The following POMGNT2 variants were observed in gnomAD, a reference collection of about 807,000 sequenced individuals.
POMGNT2 encodes the protein protein O-linked-mannose beta-1,4-N-acetylglucosaminyltransferase 2.
A neutral mutation model predicts 37.8 loss-of-function variants in POMGNT2; 32 were observed. That is an observed-to-expected ratio of 0.85 (90% CI 0.64 to 1.14). The LOEUF (loss-of-function observed/expected upper bound fraction) is 1.14, where lower values mean the gene tolerates loss of function less well. Ranked by LOEUF, POMGNT2 falls within the 50% of genes most tolerant of loss-of-function variation. The pLI, the probability that POMGNT2 is intolerant of heterozygous loss-of-function variation, is 0.00. For missense variants in POMGNT2, 705 were observed against 780.6 expected (o/e 0.90, Z 1.15); for synonymous variants, 340 against 336.8 (o/e 1.01, Z -0.10).
rs756555077 is a variant in POMGNT2 at position 43,081,362 on chromosome 3, G to C, written c.70C>G (p.Arg24Gly). 1 of 1,608,242 alleles carries C rather than the reference G, an allele frequency of 6.2e-7. No individual in the cohort carries two copies. Among genetic ancestry groups the C allele is most frequent in the Non-Finnish European group, 8.5e-7 (1 of 1,179,276 alleles). ...AGTGTGGCTGCATGCTCACGCAGCC[G>C]CACATGCTTCCACAGGACCGCTGCC... The part of the protein sequence containing the change: ...VLAAVLWKHV[R>G]LREHAATLEE... The change falls in exon 2 of 2, where the codon CGG becomes GGG. Residue 24 changes from arginine (R) to glycine (G), a missense_variant. By Grantham distance (125) the Arg-to-Gly change is moderately radical (BLOSUM62 -2). Coordinates refer to ENST00000344697, the MANE Select transcript of POMGNT2 (RefSeq NM_032806.6).
chr3:43,092,338 C>A (rs1194100122), intron 1 of POMGNT2, among the ~76,000 whole-genome samples: 1 of 152,072 alleles, frequency 6.6e-6, no homozygotes, highest in Non-Finnish European at 1.5e-5. Flanking sequence ...TGTGGCCTTG[C>A]CCAGGCTACA....
intron 1 of POMGNT2, among the ~76,000 whole-genome samples, chr3:43,102,800 G>A (rs766282609): frequency 2.8e-4 from 42 of 152,186 alleles, no homozygotes; most frequent in Non-Finnish European, 4.6e-4. Context: ...GTGCTCATCT[G>A]TCATCAGACT....
intron 1 of POMGNT2, among the ~76,000 whole-genome samples, chr3:43,099,045 G>A (rs28376397): frequency 0.18 from 27,199 of 152,110 alleles, 2,457 homozygotes; most frequent in Middle Eastern, 0.22. Context: ...GATGAAACAG[G>A]GAACAGAACG....
chr3:43,090,522 A>G (rs1219388963), intron 1 of POMGNT2: 1 of 152,174 alleles, frequency 6.6e-6, no homozygotes, highest in Non-Finnish European at 1.5e-5. Context: ...GTTCTTCTCA[A>G]GAGAGGACAC....
chr3:43,092,240 A>AGG (rs2089949331), intron 1 of POMGNT2, among the ~76,000 whole-genome samples: 1 of 152,236 alleles, frequency 6.6e-6, no homozygotes, highest in Non-Finnish European at 1.5e-5. Flanking sequence ...AAAATAAAAA[A>AGG]GTTATTTTAA....
intron 1 of POMGNT2, among the ~76,000 whole-genome samples, chr3:43,103,421 C>A (rs1430198889): frequency 1.3e-5 from 2 of 152,150 alleles, no homozygotes; most frequent in Non-Finnish European, 2.9e-5. Flanking sequence ...TCCCACCCAG[C>A]CTGCACCCTC....
rs188386020 is a variant in POMGNT2, at chr3:43,094,144, C to T, written c.-106+11692G>A. Among the ~76,000 whole-genome samples, 12 of 152,258 alleles carry T rather than the reference C, an allele frequency of 7.9e-5. No individual in the cohort carries two copies. The East Asian group carries it at 2.1e-3, about 27-fold the overall frequency. ...TTTCCCACACTCCTGTGGCACCTGC[C>T]CCTCCTCCCAACAACCTGCATAAGC... On this transcript the variant is annotated intron_variant, in intron 1 of 1. Coordinates refer to ENST00000344697, the MANE Select transcript of POMGNT2 (RefSeq NM_032806.6).
chr3:43,104,882 C>T (rs981296820), intron 1 of POMGNT2, among the ~76,000 whole-genome samples: 1 of 152,200 alleles, frequency 6.6e-6, no homozygotes, highest in African/African-American at 2.4e-5. Flanking sequence ...GAGAAAGAAA[C>T]AGAGGCTAAG....
At chr3:43,091,061 G>A (rs1031096453) in intron 1 of POMGNT2, among the ~76,000 whole-genome samples, 1 of 152,126 alleles carries the variant, frequency 6.6e-6, no homozygotes, top group Non-Finnish European at 1.5e-5. Flanking sequence ...AATTATAGGC[G>A]TTCCTAGTTC....
rs1255793512 is a variant in POMGNT2, at chr3:43,105,850, C to T, written c.-120G>A. ...GCGCGTCTTACCTGAAGCCTGGACT[C>T]CGCGGGACGAAGCCACCTCCGCCGA... On this transcript the variant is annotated 5_prime_UTR_variant, in exon 1 of 2. Coordinates refer to ENST00000344697, the MANE Select transcript of POMGNT2 (RefSeq NM_032806.6). 6.6e-6 allele frequency: 1 copy of T among 151,940 alleles called. No individual in the cohort carries two copies. The highest frequency in any genetic ancestry group is 2.4e-5 in the African/African-American group (1 of 41,390). 9.4% of individuals were successfully genotyped at this position (151,940 alleles called of 1,614,324 possible).
intron 1 of POMGNT2, among the ~76,000 whole-genome samples, chr3:43,094,263 A>G (rs747111618): frequency 1.3e-5 from 2 of 152,226 alleles, no homozygotes; most frequent in Admixed American, 6.5e-5. Context: ...CTCCAGCCCT[A>G]AAGAAGATAA....
At position 43,105,928 on chromosome 3, in the gene POMGNT2, C is replaced by G. The variant is rs912344795; in HGVS notation, c.-198G>C. On this transcript the variant is annotated 5_prime_UTR_variant, in exon 1 of 2. Transcript: ENST00000344697. Reference sequence around the variant, plus strand: ...CGCTTTCCCACCCCGCCGCCGCCCCCAGCGCCAGCTTCTGGCCCAGGAGGC... The same window carrying G: ...CGCTTTCCCACCCCGCCGCCGCCCCGAGCGCCAGCTTCTGGCCCAGGAGGC... 3 of 151,966 alleles carry G rather than the reference C, an allele frequency of 2.0e-5. No homozygotes were observed. Among genetic ancestry groups the G allele is most frequent in the African/African-American group, 7.2e-5 (3 of 41,402 alleles). 9.4% of individuals were successfully genotyped at this position (151,966 alleles called of 1,614,324 possible).
chr3:43,081,632 G>C, intron 1 of POMGNT2, 96 bp from the exon 2 acceptor site: 1 of 583,928 alleles, frequency 1.7e-6, no homozygotes, highest in South Asian at 2.2e-5. Flanking sequence ...GCTAGGCTCT[G>C]TGTGCCCGCT....
At chr3:43,082,404 T>C (rs17391761) in intron 1 of POMGNT2, among the ~76,000 whole-genome samples, 26,800 of 152,190 alleles carry the variant, frequency 0.18, 2,557 homozygotes, top group East Asian at 0.28. Context: ...GGTAGAAACT[T>C]GTCCCCTCAG....
At chr3:43,104,461 G>A (rs2090042792) in intron 1 of POMGNT2, among the ~76,000 whole-genome samples, 1 of 152,172 alleles carries the variant, frequency 6.6e-6, no homozygotes, top group Admixed American at 6.5e-5. Flanking sequence ...ACATGGCCAC[G>A]GTGGGCCCAG....
In POMGNT2 at chr3:43,081,064, T is replaced by C; in HGVS notation, c.368A>G (p.Glu123Gly). Reference protein sequence around the residue: ...QPALLDLSTVEDHNTQYFNFV... With the variant: ...QPALLDLSTVGDHNTQYFNFV... ...GTTGAAGTACTGAGTGTTGTGGTCC[T>C]CCACGGTGGATAGGTCGAGCAGGGC... The change falls in exon 2 of 2, where the codon GAG (glutamate) becomes GGG (glycine). Residue 123 changes from glutamate to glycine, a missense_variant. Transcript: ENST00000344697. The C allele has an allele frequency of 1.2e-6, 2 of 1,614,172 alleles. No individual in the cohort carries two copies. The highest frequency in any genetic ancestry group is 1.7e-6 in the Non-Finnish European group (2 of 1,180,024).
In POMGNT2 at chr3:43,081,149, A is replaced by T. The variant is rs1222932994; in HGVS notation, c.283T>A (p.Phe95Ile). ...ATGACAGAGGTGTTGCCATGGAAGA[A>T]GATGAACTCCTCAGCCTCGTTGGAG... The part of the protein sequence containing the change: ...CYSNEAEEFI[F>I]FHGNTSVMLP... Residue 95 changes from phenylalanine to isoleucine, a missense_variant, in exon 2 of 2, where the codon TTC becomes ATC. By Grantham distance (21) the Phe-to-Ile change is conservative. Coordinates refer to ENST00000344697, the MANE Select transcript of POMGNT2 (RefSeq NM_032806.6). 1 of 1,614,218 alleles carries T rather than the reference A, an allele frequency of 6.2e-7. No individual in the cohort carries two copies. Among genetic ancestry groups the T allele is most frequent in the Non-Finnish European group, 8.5e-7 (1 of 1,180,042 alleles).
chr3:43,105,972 C>T lies in POMGNT2; in HGVS notation c.-242G>A, dbSNP rs1225078722. The T allele has an allele frequency of 6.6e-6, 1 of 151,854 alleles. No individual in the cohort carries two copies. Among genetic ancestry groups the T allele is most frequent in the Non-Finnish European group, 1.5e-5 (1 of 67,944 alleles). 9.4% of individuals were successfully genotyped at this position (151,854 alleles called of 1,614,324 possible). ...AGGAGGCCCAGAAGGCCCAGGCAGC[C>T]AGCACAGGTTTGGCCGCGCCGCCGG... On this transcript the variant is annotated 5_prime_UTR_variant, in exon 1 of 2. Transcript: ENST00000344697.
At chr3:43,083,035 C>A (rs2089868602) in intron 1 of POMGNT2, among the ~76,000 whole-genome samples, 1 of 152,074 alleles carries the variant, frequency 6.6e-6, no homozygotes, top group Non-Finnish European at 1.5e-5. Flanking sequence ...TCCTGTTGGG[C>A]ATTACTTAGT....
Sources: allele counts gnomAD v4.1 joint callset (sites outside exome capture counted in the v4.1 genomes callset), GRCh38; gene constraint gnomAD v4.1.1; transcripts MANE v1.5; gene names NCBI Gene and HGNC (gene_info 2026-07-23, HGNC 2026-07-21).